Variants in GRID1 observed in about 807,000 individuals in gnomAD.
The protein encoded by GRID1 is glutamate ionotropic receptor delta type subunit 1, also known as glutamate receptor ionotropic, delta-1.
Under a neutral mutation model 98.0 loss-of-function variants are expected in GRID1, and 28 were observed. The observed-to-expected ratio is 0.29, with a 90% confidence interval of 0.21 to 0.39. The LOEUF (loss-of-function observed/expected upper bound fraction) is 0.39, where lower values mean the gene tolerates loss of function less well. Among genes scored for constraint, GRID1 ranks in the 10% least tolerant of loss-of-function variants. The pLI is 1.00. For missense variants in GRID1, 1,111 were observed against 1,340.5 expected (o/e 0.83, Z 2.67); for synonymous variants, 553 against 538.5 (o/e 1.03, Z -0.37).
intron 12 of GRID1, among the ~76,000 whole-genome samples, chr10:85,706,191 A>G (rs1841515899): frequency 6.6e-6 from 1 of 152,242 alleles, no homozygotes; most frequent in Non-Finnish European, 1.5e-5. Flanking sequence ...TGCAGATGAC[A>G]TGATTGTGTA....
chr10:86,060,987 GC>G (rs1564662973), intron 4 of GRID1, among the ~76,000 whole-genome samples: 2 of 152,072 alleles, frequency 1.3e-5, no homozygotes, highest in African/African-American at 2.4e-5. Context: ...CCTCCACCCC[GC>G]AGGACTCCCT....
intron 7 of GRID1, among the ~76,000 whole-genome samples, 173 bp downstream of exon 7, chr10:85,855,856 C>T (rs565832906): frequency 8.1e-4 from 123 of 152,314 alleles, no homozygotes; most frequent in African/African-American, 2.7e-3. Flanking sequence ...CCACAGCTCA[C>T]CTGGCCTGCA....
At chr10:85,798,712 T>G (rs1423737472) in intron 8 of GRID1, among the ~76,000 whole-genome samples, 4 of 152,026 alleles carry the variant, frequency 2.6e-5, no homozygotes, top group Non-Finnish European at 5.9e-5. Flanking sequence ...GATTTTTTTT[T>G]GTTATTGAGT....
intron 2 of GRID1, among the ~76,000 whole-genome samples, chr10:86,322,005 G>T (rs1394220670): frequency 6.6e-6 from 1 of 151,950 alleles, no homozygotes; most frequent in African/African-American, 2.4e-5. Flanking sequence ...CTGAGGACTT[G>T]GGTACTAGGA....
chr10:86,008,905 C>T (rs1445094683), intron 4 of GRID1, among the ~76,000 whole-genome samples: 2 of 152,088 alleles, frequency 1.3e-5, no homozygotes, highest in Non-Finnish European at 2.9e-5. Flanking sequence ...CAGCAGGAAG[C>T]AGCACAAAAA....
intron 4 of GRID1, among the ~76,000 whole-genome samples, chr10:86,105,332 GC>G (rs1844365437): frequency 6.6e-6 from 1 of 152,136 alleles, no homozygotes; most frequent in Non-Finnish European, 1.5e-5. Flanking sequence ...GGAAACTGAG[GC>G]CCAGAGGGTG....
intron 4 of GRID1, among the ~76,000 whole-genome samples, chr10:86,022,201 T>C (rs569337926): frequency 1.3e-5 from 2 of 152,364 alleles, no homozygotes; most frequent in East Asian, 1.9e-4. Flanking sequence ...AAATACTTGA[T>C]CTGATTTTAT....
At chr10:85,978,017 G>T (rs1281893026) in intron 4 of GRID1, among the ~76,000 whole-genome samples, 1 of 152,230 alleles carries the variant, frequency 6.6e-6, no homozygotes, top group Non-Finnish European at 1.5e-5. Flanking sequence ...AAGAGCCTGA[G>T]AATGTATCCA....
chr10:86,162,271 C>G (rs925263702), intron 3 of GRID1, among the ~76,000 whole-genome samples: 1 of 152,070 alleles, frequency 6.6e-6, no homozygotes, highest in Non-Finnish European at 1.5e-5. Context: ...AAGGAGGGAA[C>G]TGACCCAGAA....
chr10:86,006,143 A>T (rs1193337241), intron 4 of GRID1, among the ~76,000 whole-genome samples: 1 of 152,236 alleles, frequency 6.6e-6, no homozygotes, highest in Non-Finnish European at 1.5e-5. Flanking sequence ...ACAAAGTCCT[A>T]AAACAGATAT....
In GRID1 at chr10:86,248,213, G is replaced by A. The variant is rs536337175; in HGVS notation, c.236-41565C>T. Among the ~76,000 whole-genome samples, 8 of 152,358 alleles carry A rather than the reference G, an allele frequency of 5.3e-5. No individual in the cohort carries two copies. In the South Asian group the frequency reaches 1.7e-3, roughly 32 times the overall value. On this transcript the variant is annotated intron_variant, in intron 2 of 15. Coordinates refer to ENST00000327946, the MANE Select transcript of GRID1 (RefSeq NM_017551.3). ...GGCAAAGGCACCATCTAATGAGGCA[G>A]CTCCTGCCAGCGGGAGTCACCTTCA... is the stretch of plus-strand genomic sequence containing the variant.
chr10:85,701,510 G>C (rs557784007), intron 12 of GRID1, among the ~76,000 whole-genome samples: 13 of 152,192 alleles, frequency 8.5e-5, no homozygotes, highest in African/African-American at 3.1e-4. Flanking sequence ...ATTCCACTAA[G>C]GCACAGTTTT....
chr10:85,660,628 C>T (rs7075133), intron 12 of GRID1, among the ~76,000 whole-genome samples: 2,799 of 151,944 alleles, frequency 0.018, 75 homozygotes, highest in African/African-American at 0.064. Flanking sequence ...GAGCTGATCA[C>T]GTATGCCAGG....
intron 4 of GRID1, among the ~76,000 whole-genome samples, chr10:86,060,878 G>A (rs1480214847): frequency 1.3e-5 from 2 of 152,264 alleles, no homozygotes; most frequent in East Asian, 3.9e-4. Context: ...CTTGACAGAT[G>A]TCAAGGCCTC....
intron 8 of GRID1, among the ~76,000 whole-genome samples, chr10:85,758,743 C>A (rs1842121454): frequency 6.6e-6 from 1 of 152,192 alleles, no homozygotes; most frequent in Non-Finnish European, 1.5e-5. Context: ...TCACCACAGC[C>A]TATCTTCCTC....
At chr10:85,729,015 A>T (rs1365706236) in intron 9 of GRID1, among the ~76,000 whole-genome samples, 2 of 152,220 alleles carry the variant, frequency 1.3e-5, no homozygotes, top group Non-Finnish European at 1.5e-5. Flanking sequence ...CAAATGCAAA[A>T]GTCTATGATT....
At chr10:85,861,091 G>T (rs1843159870) in intron 6 of GRID1, among the ~76,000 whole-genome samples, 1 of 152,156 alleles carries the variant, frequency 6.6e-6, no homozygotes, top group South Asian at 2.1e-4. Flanking sequence ...GCTCCTCCAG[G>T]GATGTCCCCA....
At chr10:86,297,672 T>C (rs148964314) in intron 2 of GRID1, among the ~76,000 whole-genome samples, 5 of 152,286 alleles carry the variant, frequency 3.3e-5, no homozygotes, top group East Asian at 3.9e-4. Flanking sequence ...AAATTAAAAA[T>C]AGTCTATGAA....
At chr10:86,276,547 G>C (rs1322723380) in intron 2 of GRID1, among the ~76,000 whole-genome samples, 2 of 149,930 alleles carry the variant, frequency 1.3e-5, no homozygotes, top group Non-Finnish European at 3.0e-5. Context: ...TTGTCACCCA[G>C]GCTGGAGCGC....
Sources: gnomAD v4.1 joint callset for allele counts (sites outside exome capture counted in the v4.1 genomes callset) on GRCh38, gnomAD v4.1.1 for gene constraint, MANE v1.5 for transcripts, NCBI Gene and HGNC (gene_info 2026-07-23, HGNC 2026-07-21) for gene names.